The following CHD7 variants were observed in gnomAD, a reference collection of about 807,000 sequenced individuals.
CHD7 encodes the protein chromodomain helicase DNA binding protein 7.
Under a neutral mutation model 307.3 loss-of-function variants are expected in CHD7, and 24 were observed. That is an observed-to-expected ratio of 0.08 (90% CI 0.06 to 0.11). The LOEUF (loss-of-function observed/expected upper bound fraction) is 0.11, where lower values mean the gene tolerates loss of function less well. CHD7 is among the 10% of genes least tolerant of loss of function. CHD7 has a pLI of 1.00. For missense variants in CHD7, 3,106 were observed against 3,727.1 expected (o/e 0.83, Z 4.34); for synonymous variants, 1,363 against 1,349.9 (o/e 1.01, Z -0.21).
intron 2 of CHD7, among the ~76,000 whole-genome samples, chr8:60,746,040 ATTTAT>A (rs1249579190): frequency 6.6e-6 from 1 of 150,544 alleles, no homozygotes. Flanking sequence ...AACTTTATTT[ATTTAT>A]TATTTTTTGA....
chr8:60,846,787 A>G (rs1286015243), intron 23 of CHD7, among the ~76,000 whole-genome samples: 1 of 152,264 alleles, frequency 6.6e-6, no homozygotes, highest in African/African-American at 2.4e-5. Context: ...ACTGACAAGA[A>G]AACTGAGACT....
chr8:60,732,264 A>T (rs1363354642), intron 1 of CHD7, among the ~76,000 whole-genome samples: 1 of 152,252 alleles, frequency 6.6e-6, no homozygotes, highest in Non-Finnish European at 1.5e-5. Context: ...ATTTTTTAAA[A>T]TGTAGAAGAA....
At chr8:60,846,912 T>TG (rs1260280355) in intron 23 of CHD7, among the ~76,000 whole-genome samples, 1 of 152,224 alleles carries the variant, frequency 6.6e-6, no homozygotes, top group African/African-American at 2.4e-5. Flanking sequence ...CTTGGGGCTG[T>TG]GGTGAGGCTC....
At position 60,866,403 on chromosome 8, in the gene CHD7, CTGTA is replaced by C. The variant is rs1297400472; in HGVS notation, c.*473_*476del. ...CTTGCTCATTTGTTTCCCTTTTTGA[CTGTA>C]TGGGGGTTCCCACACTCGTGCATAC... is the stretch of plus-strand genomic sequence containing the variant. On this transcript the variant is annotated 3_prime_UTR_variant, in exon 38 of 38. Transcript: ENST00000423902. 3 of 153,590 alleles carry C rather than the reference CTGTA, an allele frequency of 2.0e-5. No individual in the cohort carries two copies. The highest frequency in any genetic ancestry group is 1.3e-4 in the Admixed American group (2 of 15,322). 9.5% of individuals were successfully genotyped at this position (153,590 alleles called of 1,614,324 possible).
At position 60,715,876 on chromosome 8, in the gene CHD7, G is replaced by A. The variant is rs553250843; in HGVS notation, c.-174-25383G>A. 1.4e-3 allele frequency among the ~76,000 whole-genome samples: 210 copies of A among 152,242 alleles called. 2 individuals carry two copies. The highest frequency in any genetic ancestry group is 1.9e-3 in the Non-Finnish European group (129 of 68,016). The stretch of plus-strand genomic sequence containing the variant: ...TTGTTTCTAATACCACTATGTATAT[G>A]GACAGAACAGTTAACTGTCCACGCC... On this transcript the variant is annotated intron_variant, in intron 1 of 37. Coordinates refer to ENST00000423902, the MANE Select transcript of CHD7 (RefSeq NM_017780.4).
intron 12 of CHD7, 31 bp from the exon 13 acceptor site, chr8:60,823,809 G>A (rs1026513383): frequency 6.4e-7 from 1 of 1,572,104 alleles, no homozygotes; most frequent in Non-Finnish European, 8.8e-7. Flanking sequence ...AACCATTAAT[G>A]CTTAATAATA....
Position 60,830,389 on chromosome 8 carries a change from A to G in CHD7, c.3590A>G (p.Asn1197Ser). The change falls in exon 15 of 38, where the codon AAC becomes AGC. Residue 1197 changes from asparagine to serine, a missense_variant. Physicochemically the swap from Asn to Ser is conservative, Grantham distance 46. This residue lies in a region of CHD7 where 232 missense variants were observed against 422.5 expected (regional missense o/e 0.55). Coordinates refer to ENST00000423902, the MANE Select transcript of CHD7 (RefSeq NM_017780.4). The stretch of plus-strand genomic sequence containing the variant: ...CGTCTCAAAGAGGATGTAGAAAAGA[A>G]CTTGGCCCCCAAAGAAGAAACTATT... ...LRRLKEDVEK[N>S]LAPKEETIIE... The G allele has an allele frequency of 1.2e-6, 2 of 1,614,044 alleles. No individual in the cohort carries two copies. Among genetic ancestry groups the G allele is most frequent in the Non-Finnish European group, 1.7e-6 (2 of 1,179,882 alleles).
intron 1 of CHD7, among the ~76,000 whole-genome samples, chr8:60,701,936 A>G (rs1806784328): frequency 6.6e-6 from 1 of 152,250 alleles, no homozygotes; most frequent in Non-Finnish European, 1.5e-5. Context: ...TGTGCTCTGC[A>G]GAGTCATGAG....
intron 9 of CHD7, among the ~76,000 whole-genome samples, chr8:60,820,828 A>G (rs947162812): frequency 2.0e-5 from 3 of 152,218 alleles, no homozygotes; most frequent in South Asian, 2.1e-4. Flanking sequence ...TTCCAAGACC[A>G]TATCTGTAAC....
chr8:60,865,557 C>A lies in CHD7; in HGVS notation c.8618C>A (p.Ser2873Tyr). The A allele has an allele frequency of 6.2e-7, 1 of 1,614,060 alleles. No homozygotes were observed. Among genetic ancestry groups the A allele is most frequent in the Non-Finnish European group, 8.5e-7 (1 of 1,179,904 alleles). Residue 2873 changes from serine to tyrosine, a missense_variant, in exon 38 of 38, where the codon TCT (serine) becomes TAT (tyrosine). By Grantham distance (144) the Ser-to-Tyr change is moderately radical (BLOSUM62 -2). Coordinates refer to ENST00000423902, the MANE Select transcript of CHD7 (RefSeq NM_017780.4). This position sits in a 1 kb window ranked among gnomAD's most constrained non-coding sequence, Gnocchi z 4.3. Reference protein sequence around the residue: ...AVSAADSANGSVGAATAPAGL... With the variant: ...AVSAADSANGYVGAATAPAGL... ...TCGGCTGCTGACTCTGCGAATGGAT[C>A]TGTTGGTGCTGCTACTGCCCCGGCT...
At chr8:60,724,428 G>T (rs1261239024) in intron 1 of CHD7, among the ~76,000 whole-genome samples, 1 of 152,258 alleles carries the variant, frequency 6.6e-6, no homozygotes, top group Non-Finnish European at 1.5e-5. Flanking sequence ...ACTGACATTT[G>T]CTGACTGCTG....
Position 60,829,735 on chromosome 8 carries a change from C to T in CHD7, c.3523-587C>T, listed in dbSNP as rs570928224. The stretch of plus-strand genomic sequence containing the variant: ...GACTTGAAATCTTGGTTTTTACGTG[C>T]CCCCTCCACTGACTTACTGTCTAAA... On this transcript the variant is annotated intron_variant, in intron 14 of 37. Coordinates refer to ENST00000423902, the MANE Select transcript of CHD7 (RefSeq NM_017780.4). Among the ~76,000 whole-genome samples, 3 of 152,288 alleles carry T rather than the reference C, an allele frequency of 2.0e-5. No individual in the cohort carries two copies. In the South Asian group the frequency reaches 6.2e-4, roughly 32 times the overall value.
chr8:60,727,818 A>G (rs924547200), intron 1 of CHD7, among the ~76,000 whole-genome samples: 1 of 152,050 alleles, frequency 6.6e-6, no homozygotes, highest in African/African-American at 2.4e-5. Flanking sequence ...GCTCTGTGTG[A>G]ATTTTTTTCT....
At chr8:60,789,282 A>G (rs1423149924) in intron 3 of CHD7, among the ~76,000 whole-genome samples, 1 of 152,232 alleles carries the variant, frequency 6.6e-6, no homozygotes, top group Non-Finnish European at 1.5e-5. Flanking sequence ...CTTATCCATT[A>G]GGTTCATTTC....
intron 15 of CHD7, among the ~76,000 whole-genome samples, chr8:60,834,660 C>T (rs1804665296): frequency 6.6e-6 from 1 of 152,190 alleles, no homozygotes; most frequent in African/African-American, 2.4e-5. Flanking sequence ...AGTCTGCCTT[C>T]ATAAGAAGTC....
At position 60,822,008 on chromosome 8, in the gene CHD7, A is replaced by C; in HGVS notation, c.2836-16A>C. 5 of 1,613,778 alleles carry C rather than the reference A, an allele frequency of 3.1e-6. No individual in the cohort carries two copies. The highest frequency in any genetic ancestry group is 1.3e-5 in the African/African-American group (1 of 75,034). ...CTTTGGGAAACCACTAATGGGATTT[A>C]CTATATTTGAAACAGGAGCGACCTC... On this transcript the variant is annotated splice_polypyrimidine_tract_variant and intron_variant, in intron 10 of 37. Coordinates refer to ENST00000423902, the MANE Select transcript of CHD7 (RefSeq NM_017780.4).
chr8:60,822,033 C>T lies in CHD7; in HGVS notation c.2845C>T (p.Pro949Ser), dbSNP rs779447181. 6.2e-7 allele frequency: 1 copy of T among 1,613,750 alleles called. No individual in the cohort carries two copies. Among genetic ancestry groups the T allele is most frequent in the East Asian group, 2.2e-5 (1 of 44,874 alleles). Reference protein sequence around the residue: ...EPETERVERPPADDWKKSESS... With the variant: ...EPETERVERPSADDWKKSESS... ...ACTATATTTGAAACAGGAGCGACCT[C>T]CTGCTGATGATTGGAAGAAATCGGA... is the stretch of plus-strand genomic sequence containing the variant. The change falls in exon 11 of 38, where the codon CCT becomes TCT. Residue 949 changes from proline to serine, a missense_variant. By Grantham distance (74) the Pro-to-Ser change is moderately conservative (BLOSUM62 -1). Coordinates refer to ENST00000423902, the MANE Select transcript of CHD7 (RefSeq NM_017780.4).
chr8:60,780,569 G>T (rs528806004), intron 2 of CHD7, among the ~76,000 whole-genome samples: 9 of 152,288 alleles, frequency 5.9e-5, no homozygotes, highest in African/African-American at 1.9e-4. Flanking sequence ...CAGTATACTT[G>T]CTCATTTTAA....
intron 1 of CHD7, among the ~76,000 whole-genome samples, chr8:60,733,743 T>G (rs1169155769): frequency 6.6e-6 from 1 of 152,178 alleles, no homozygotes; most frequent in Non-Finnish European, 1.5e-5. Context: ...AAGGAAACGT[T>G]AGCCTCAATA....
Sources: gnomAD v4.1 joint callset for allele counts (sites outside exome capture counted in the v4.1 genomes callset) on GRCh38, gnomAD v4.1.1 for gene constraint, gnomAD v4.1.1 regional missense constraint, Gnocchi (gnomAD v3.1) non-coding constraint, MANE v1.5 for transcripts, NCBI Gene and HGNC (gene_info 2026-07-23, HGNC 2026-07-21) for gene names.